Variants in EDA observed in about 807,000 individuals in gnomAD.
EDA encodes the protein ectodysplasin A, also known as ectodysplasin-A.
EDA carries 2 observed loss-of-function variants against 23.6 expected under a neutral mutation model. The observed-to-expected ratio is 0.08, with a 90% CI of 0.03 to 0.27. EDA has a LOEUF of 0.27. Among genes scored for constraint, EDA ranks in the 10% least tolerant of loss-of-function variants. EDA has a pLI of 1.00. For missense variants in EDA, 229 were observed against 324.2 expected (o/e 0.71, Z 2.26); for synonymous variants, 131 against 132.0 (o/e 0.99, Z 0.05).
At chrX:69,919,981 C>T (rs1331413136) in intron 1 of EDA, among the ~76,000 whole-genome samples, 3 of 111,094 alleles carry the variant, frequency 2.7e-5, no homozygotes, top group Non-Finnish European at 3.8e-5. Flanking sequence ...TTAACTTTGC[C>T]AGATAAGATT....
intron 1 of EDA, among the ~76,000 whole-genome samples, chrX:69,650,809 A>G (rs1011335895): frequency 1.8e-5 from 2 of 111,361 alleles, no homozygotes; most frequent in African/African-American, 6.5e-5. Flanking sequence ...TGAACAGAGA[A>G]GGTTTTGCTG....
chrX:69,833,551 G>A (rs6624442), intron 1 of EDA, among the ~76,000 whole-genome samples: 8,857 of 109,904 alleles, frequency 0.081, 979 homozygotes, highest in East Asian at 0.7. Flanking sequence ...GATGATGTTG[G>A]CCTCATAAAA....
chrX:69,662,379 G>A (rs1044555642), intron 1 of EDA, among the ~76,000 whole-genome samples: 1 of 111,267 alleles, frequency 9.0e-6, no homozygotes, highest in African/African-American at 3.3e-5. Flanking sequence ...AGATCTGATG[G>A]TTTTATAAAG....
intron 1 of EDA, among the ~76,000 whole-genome samples, chrX:69,878,571 A>G (rs1171017634): frequency 8.9e-6 from 1 of 111,942 alleles, no homozygotes; most frequent in East Asian, 2.8e-4. Context: ...GAACTTCCCA[A>G]CACATGATAA....
chrX:69,957,075 G>C lies in EDA; in HGVS notation c.445G>C (p.Glu149Gln), dbSNP rs372898402. 23 of 1,210,463 alleles carry C rather than the reference G, an allele frequency of 1.9e-5. No homozygotes were observed. The highest frequency in any genetic ancestry group is 2.5e-5 in the Non-Finnish European group (22 of 895,269). Residue 149 changes from glutamate (E) to glutamine (Q), a missense_variant, in exon 2 of 8, where the codon GAA becomes CAA. Coordinates refer to ENST00000374552, the MANE Select transcript of EDA (RefSeq NM_001399.5). The stretch of plus-strand genomic sequence containing the variant: ...CCCTGATGAAAAGCCATACTCTGAA[G>C]AAGAAAGTAGGCGTGTTCGCCGCAA... ...FFPDEKPYSE[E>Q]ESRRVRRNKR...
intron 2 of EDA, among the ~76,000 whole-genome samples, chrX:70,001,565 T>G (rs1393769736): frequency 1.8e-5 from 2 of 111,859 alleles, no homozygotes; most frequent in Non-Finnish European, 3.8e-5. Context: ...CTCTGATGAT[T>G]TATGTCACAT....
chrX:69,786,638 G>A (rs1202207545), intron 1 of EDA, among the ~76,000 whole-genome samples: 2 of 109,532 alleles, frequency 1.8e-5, no homozygotes, highest in African/African-American at 6.6e-5. Context: ...TAGTTTGATT[G>A]CACTGTGGTC....
intron 1 of EDA, among the ~76,000 whole-genome samples, chrX:69,653,796 A>G (rs1250387262): frequency 1.8e-5 from 2 of 111,922 alleles, no homozygotes; most frequent in Admixed American, 1.9e-4. Flanking sequence ...TACAAAAATT[A>G]ATTCAAGATG....
At chrX:69,938,205 C>G (rs112656121) in intron 1 of EDA, among the ~76,000 whole-genome samples, 6,705 of 110,867 alleles carry the variant, frequency 0.06, 524 homozygotes, top group African/African-American at 0.21. Context: ...ATAGACACCT[C>G]TCGCCCAGCA....
chrX:69,795,126 A>G (rs988016416), intron 1 of EDA, among the ~76,000 whole-genome samples: 2 of 111,783 alleles, frequency 1.8e-5, no homozygotes, highest in African/African-American at 6.5e-5. Context: ...CTCGGGCTCA[A>G]GCAATCTCCC....
intron 1 of EDA, among the ~76,000 whole-genome samples, chrX:69,679,848 C>G (rs1415477893): frequency 9.3e-6 from 1 of 107,478 alleles, no homozygotes; most frequent in South Asian, 4.2e-4. Context: ...TTAGTTATTT[C>G]TTGCCTTCTG....
intron 1 of EDA, among the ~76,000 whole-genome samples, chrX:69,819,143 A>G (rs2016150490): frequency 1.8e-5 from 2 of 112,496 alleles, no homozygotes. Context: ...ATAGAAGCAG[A>G]AAAGTCCTTT....
chrX:69,672,838 C>T (rs1045860530), intron 1 of EDA, among the ~76,000 whole-genome samples: 4 of 105,855 alleles, frequency 3.8e-5, no homozygotes, highest in Admixed American at 1.0e-4. Flanking sequence ...GCCGAGATTG[C>T]GCCACTGCAC....
intron 1 of EDA, among the ~76,000 whole-genome samples, chrX:69,834,777 C>A (rs1306002796): frequency 8.1e-5 from 9 of 111,203 alleles, no homozygotes; most frequent in African/African-American, 2.6e-4. Context: ...TGGTTATTTT[C>A]CTCATTAATT....
At chrX:69,878,241 C>T (rs1318366083) in intron 1 of EDA, among the ~76,000 whole-genome samples, 1 of 112,478 alleles carries the variant, frequency 8.9e-6, no homozygotes, top group Non-Finnish European at 1.9e-5. Flanking sequence ...CTCCCCTCCC[C>T]GACCCCCCAT....
At chrX:69,753,525 A>G (rs982617677) in intron 1 of EDA, among the ~76,000 whole-genome samples, 1 of 111,929 alleles carries the variant, frequency 8.9e-6, no homozygotes, top group Admixed American at 9.5e-5. Flanking sequence ...AATAAGTGCA[A>G]TGTGGTGCTG....
intron 1 of EDA, among the ~76,000 whole-genome samples, chrX:69,946,922 A>G (rs776251979): frequency 2.4e-4 from 27 of 112,484 alleles, no homozygotes; most frequent in Non-Finnish European, 4.5e-4. Context: ...ATCCAGCTTC[A>G]TAAAGGTAAA....
chrX:69,851,167 G>GTT (rs2017119903), intron 1 of EDA, among the ~76,000 whole-genome samples: 1 of 108,577 alleles, frequency 9.2e-6, no homozygotes, highest in Non-Finnish European at 1.9e-5. Flanking sequence ...TTGTGTGTGT[G>GTT]TGTGTGTGTG....
At chrX:69,994,448 A>G (rs997581975) in intron 2 of EDA, among the ~76,000 whole-genome samples, 2 of 112,167 alleles carry the variant, frequency 1.8e-5, no homozygotes, top group Admixed American at 9.4e-5. Flanking sequence ...CCCTAATGCC[A>G]TTGTTCTCAA....
Sources: gnomAD v4.1 joint callset for allele counts (sites outside exome capture counted in the v4.1 genomes callset) on GRCh38, gnomAD v4.1.1 for gene constraint, MANE v1.5 for transcripts, NCBI Gene and HGNC (gene_info 2026-07-23, HGNC 2026-07-21) for gene names.